The following C6orf89 variants were observed in gnomAD, a reference collection of about 807,000 sequenced individuals.
C6orf89 encodes the protein bombesin receptor-activated protein C6orf89.
A neutral mutation model predicts 40.7 loss-of-function variants in C6orf89; 29 were observed. The observed-to-expected ratio is 0.71, with a 90% CI of 0.53 to 0.97. The LOEUF (loss-of-function observed/expected upper bound fraction) is 0.97, where lower values mean the gene tolerates loss of function less well. C6orf89 is among the 50% of genes least tolerant of loss of function. The probability of loss-of-function intolerance (pLI) is 0.00; values close to 1 mark genes in which losing one functional copy is unlikely to be tolerated. For missense variants in C6orf89, 392 were observed against 429.1 expected, an observed-to-expected ratio of 0.91 and a Z score of 0.76; for synonymous variants, 165 against 152.2, an observed-to-expected ratio of 1.08 and a Z score of -0.62.
intron 4 of C6orf89, 152 bp from the exon 5 acceptor site, chr6:36,914,132 C>G: frequency 1.4e-6 from 1 of 727,298 alleles, no homozygotes; most frequent in Non-Finnish European, 2.1e-6. Flanking sequence ...TGCACTCCAG[C>G]CTGGGCGACA....
At chr6:36,895,693 T>C (rs1761397940) in intron 2 of C6orf89, among the ~76,000 whole-genome samples, 1 of 152,244 alleles carries the variant, frequency 6.6e-6, no homozygotes, top group Non-Finnish European at 1.5e-5. Context: ...TTCCTTTTTA[T>C]CGTCCAGTGA....
chr6:36,889,820 G>A (rs3957238), intron 1 of C6orf89, among the ~76,000 whole-genome samples: 39,288 of 152,108 alleles, frequency 0.26, 5,449 homozygotes, highest in African/African-American at 0.35. Context: ...ATGGTTGTGT[G>A]TAGAATAACG....
At chr6:36,877,662 C>T (rs1774695291) in intron 1 of C6orf89, among the ~76,000 whole-genome samples, 2 of 152,206 alleles carry the variant, frequency 1.3e-5, no homozygotes, top group Admixed American at 1.3e-4. Context: ...GCACCAGCAG[C>T]CTGTGAGAAT....
chr6:36,911,685 C>T (rs921834424), intron 4 of C6orf89, among the ~76,000 whole-genome samples: 1 of 152,042 alleles, frequency 6.6e-6, no homozygotes, highest in Non-Finnish European at 1.5e-5. Flanking sequence ...TGGAATATGA[C>T]ACGCTACTAC....
Position 36,923,419 on chromosome 6 carries a change from G to A in C6orf89, c.1022G>A (p.Gly341Glu), listed in dbSNP as rs1762581440. The A allele has an allele frequency of 6.2e-7, 1 of 1,613,844 alleles. No homozygotes were observed. Among genetic ancestry groups the A allele is most frequent in the South Asian group, 1.1e-5 (1 of 91,080 alleles). Residue 341 changes from glycine to glutamate, a missense_variant, in exon 9 of 9, where the codon GGA becomes GAA. Physicochemically the swap from Gly to Glu is moderately conservative, Grantham distance 98 (BLOSUM62 -2). Coordinates refer to ENST00000480824, the MANE Select transcript of C6orf89 (RefSeq NM_001286635.2). ...RGVQPLVICD[G>E]TAFSEL The stretch of plus-strand genomic sequence containing the variant: ...GTCCAGCCTTTGGTCATCTGCGATG[G>A]AACCGCTTTCTCAGAACTGTAGGAA...
At chr6:36,890,606 T>C (rs190076587) in intron 1 of C6orf89, among the ~76,000 whole-genome samples, 12 of 152,366 alleles carry the variant, frequency 7.9e-5, no homozygotes, top group Admixed American at 6.5e-4. Context: ...TGATCTCTGC[T>C]CACTGCAACC....
At chr6:36,885,559 A>G (rs569066321), upstream of C6orf89, among the ~76,000 whole-genome samples, 2 of 152,310 alleles carry the variant, frequency 1.3e-5, no homozygotes, top group South Asian at 4.1e-4. Context: ...GTCTTTCTCA[A>G]GAGTAGTAGC....
At chr6:36,901,496 G>A (rs1761713068) in intron 3 of C6orf89, among the ~76,000 whole-genome samples, 2 of 146,074 alleles carry the variant, frequency 1.4e-5, no homozygotes, top group Non-Finnish European at 1.5e-5. Flanking sequence ...CACCACATCC[G>A]GCTAATTTTT....
intron 1 of C6orf89, among the ~76,000 whole-genome samples, chr6:36,877,445 C>T (rs1188394161): frequency 6.6e-6 from 1 of 152,216 alleles, no homozygotes; most frequent in Admixed American, 6.5e-5. Flanking sequence ...ATTCTCCTGC[C>T]TCAGCCTCCC....
intron 4 of C6orf89, among the ~76,000 whole-genome samples, chr6:36,910,578 A>C (rs1762090236): frequency 1.3e-5 from 2 of 152,260 alleles, no homozygotes; most frequent in African/African-American, 4.8e-5. Context: ...AAATACAAAA[A>C]TTAGCTGGGT....
rs1561851005 is a variant in C6orf89, at chr6:36,874,819, CG to C, written c.-628+2853del. 4 of 1,601,854 alleles carry C rather than the reference CG, an allele frequency of 2.5e-6. No individual in the cohort carries two copies. In the South Asian group the frequency reaches 4.4e-5, roughly 18 times the overall value. ...CTTGTCTAGTAATTGCTACTTCCGG[CG>C]TCGATTAGCTGGGGACCCGTCGCTG... On this transcript the variant is annotated intron_variant, in intron 1 of 9. Transcript: ENST00000359359.
chr6:36,903,596 A>T (rs1034195076), intron 4 of C6orf89, among the ~76,000 whole-genome samples: 4 of 151,968 alleles, frequency 2.6e-5, no homozygotes, highest in African/African-American at 7.3e-5. Flanking sequence ...AGTAGCTGGG[A>T]CTATAGGTGC....
At chr6:36,879,579 G>C (rs1774748159) in intron 2 of C6orf89, among the ~76,000 whole-genome samples, 1 of 152,050 alleles carries the variant, frequency 6.6e-6, no homozygotes, top group African/African-American at 2.4e-5. Context: ...CTTCTCTAAG[G>C]TTTTGATTAA....
intron 1 of C6orf89, among the ~76,000 whole-genome samples, chr6:36,877,646 A>G (rs960767165): frequency 1.1e-4 from 17 of 152,190 alleles, no homozygotes; most frequent in African/African-American, 4.1e-4. Flanking sequence ...GTAGCAATTT[A>G]TGTATGCACC....
chr6:36,919,590 C>G lies in C6orf89; in HGVS notation c.838C>G (p.Pro280Ala). The change falls in exon 8 of 9, where the codon CCT becomes GCT. Residue 280 changes from proline (P) to alanine (A), a missense_variant. Physicochemically the swap from Pro to Ala is conservative, Grantham distance 27 (BLOSUM62 -1). Coordinates refer to ENST00000480824, the MANE Select transcript of C6orf89 (RefSeq NM_001286635.2). ...TTCTTTCCTCCAGATGCATAAGATGCCTGACCTATTTATCATTGGCAGCGG... is the reference window on the plus strand; with the variant it reads ...TTCTTTCCTCCAGATGCATAAGATGGCTGACCTATTTATCATTGGCAGCGG... ...PVVGSKMHKM[P>A]DLFIIGSGEA... 6.2e-7 allele frequency: 1 copy of G among 1,613,812 alleles called. No individual in the cohort carries two copies. The highest frequency in any genetic ancestry group is 1.3e-5 in the African/African-American group (1 of 75,042).
At chr6:36,912,603 G>A (rs1426761561) in intron 4 of C6orf89, among the ~76,000 whole-genome samples, 4 of 152,154 alleles carry the variant, frequency 2.6e-5, no homozygotes, top group Admixed American at 2.6e-4. Flanking sequence ...GTACTAAAGG[G>A]TTTTCAGCTA....
intron 3 of C6orf89, among the ~76,000 whole-genome samples, chr6:36,901,357 T>C (rs1375118947): frequency 8.8e-6 from 1 of 114,148 alleles, no homozygotes; most frequent in African/African-American, 3.3e-5. Context: ...TTTTTTGAGA[T>C]GCAGTCTCAC....
chr6:36,893,755 A>ACCCT (rs1288168391), intron 1 of C6orf89, among the ~76,000 whole-genome samples: 2 of 152,110 alleles, frequency 1.3e-5, no homozygotes, highest in Non-Finnish European at 1.5e-5. Flanking sequence ...ATATGGTGAA[A>ACCCT]CCCTGTCTCT....
intron 6 of C6orf89, among the ~76,000 whole-genome samples, chr6:36,915,885 GA>G (rs1345776237): frequency 6.6e-6 from 1 of 152,166 alleles, no homozygotes; most frequent in Non-Finnish European, 1.5e-5. Context: ...TGTCTAGTAA[GA>G]AAAGAAAGCC....
Sources: allele counts gnomAD v4.1 joint callset (sites outside exome capture counted in the v4.1 genomes callset), GRCh38; gene constraint gnomAD v4.1.1; transcripts MANE v1.5; gene names NCBI Gene and HGNC (gene_info 2026-07-23, HGNC 2026-07-21).